EDIL3: variants seen among roughly 807,000 people sequenced by gnomAD.
The protein encoded by EDIL3 is EGF like and discoidin domains 3.
A neutral mutation model predicts 67.4 loss-of-function variants in EDIL3; 37 were observed. The observed-to-expected ratio is 0.55, with a 90% confidence interval of 0.42 to 0.72. The LOEUF (loss-of-function observed/expected upper bound fraction) is 0.72, where lower values mean the gene tolerates loss of function less well. EDIL3 is among the 30% of genes least tolerant of loss of function. EDIL3 has a pLI of 0.00. For missense variants in EDIL3, 527 were observed against 586.3 expected, an observed-to-expected ratio of 0.90 and a Z score of 1.04; for synonymous variants, 195 against 196.3, an observed-to-expected ratio of 0.99 and a Z score of 0.05.
intron 4 of EDIL3, among the ~76,000 whole-genome samples, chr5:84,155,520 G>T (rs1002979103): frequency 1.3e-5 from 2 of 152,046 alleles, no homozygotes; most frequent in East Asian, 3.9e-4. Context: ...CCAACGTAAC[G>T]TTATTCGTTA....
chr5:83,999,988 C>T (rs1745300904), intron 9 of EDIL3, among the ~76,000 whole-genome samples: 1 of 144,012 alleles, frequency 6.9e-6, no homozygotes, highest in South Asian at 2.3e-4. Flanking sequence ...AGTAGCATGA[C>T]ATATTTCAAG....
At chr5:84,291,734 C>CTATCTATA (rs1561247527) in intron 1 of EDIL3, among the ~76,000 whole-genome samples, 31 of 144,280 alleles carry the variant, frequency 2.1e-4, no homozygotes, top group African/African-American at 7.9e-4. Flanking sequence ...CTATATAGAT[C>CTATCTATA]TATCTATATA....
intron 9 of EDIL3, among the ~76,000 whole-genome samples, chr5:84,025,840 C>T (rs1745800900): frequency 1.3e-5 from 2 of 152,188 alleles, no homozygotes; most frequent in Non-Finnish European, 2.9e-5. Context: ...CATGTACACA[C>T]AAGAGTGGGC....
At chr5:84,198,433 G>A (rs1398287996) in intron 3 of EDIL3, among the ~76,000 whole-genome samples, 2 of 151,950 alleles carry the variant, frequency 1.3e-5, no homozygotes, top group East Asian at 1.9e-4. Flanking sequence ...AAGTAGTGCT[G>A]TAGTGAAGCC....
At chr5:84,182,197 C>A (rs530928841) in intron 3 of EDIL3, among the ~76,000 whole-genome samples, 1 of 151,654 alleles carries the variant, frequency 6.6e-6, no homozygotes, top group Admixed American at 6.6e-5. Flanking sequence ...GAGGCTGAGG[C>A]GGGCAGATTG....
chr5:84,057,094 C>A (rs1746461933), intron 9 of EDIL3, among the ~76,000 whole-genome samples: 1 of 151,954 alleles, frequency 6.6e-6, no homozygotes, highest in African/African-American at 2.4e-5. Flanking sequence ...ATTTACTTTG[C>A]CTTGGAGATT....
intron 2 of EDIL3, among the ~76,000 whole-genome samples, chr5:84,245,914 TA>T (rs35831418): frequency 0.078 from 11,279 of 144,000 alleles, 1,193 homozygotes; most frequent in African/African-American, 0.25. Flanking sequence ...TTCTAAAATG[TA>T]AAAAAAAAAA....
chr5:84,158,648 C>T (rs146353286), intron 4 of EDIL3, among the ~76,000 whole-genome samples: 2 of 152,064 alleles, frequency 1.3e-5, no homozygotes, highest in African/African-American at 4.8e-5. Context: ...CTACTTATCC[C>T]TCAATTACAT....
intron 10 of EDIL3, among the ~76,000 whole-genome samples, chr5:83,962,221 G>A (rs759184223): frequency 3.3e-5 from 5 of 151,446 alleles, no homozygotes; most frequent in African/African-American, 4.8e-5. Context: ...CCATAAGGAA[G>A]TAAAAGGATT....
intron 9 of EDIL3, among the ~76,000 whole-genome samples, chr5:84,045,685 A>G (rs1383140156): frequency 2.6e-5 from 4 of 152,246 alleles, no homozygotes; most frequent in Admixed American, 2.6e-4. Flanking sequence ...AAGACACACT[A>G]TGCTAAAGAA....
intron 1 of EDIL3, among the ~76,000 whole-genome samples, chr5:84,332,859 C>A (rs1313009024): frequency 6.6e-6 from 1 of 152,088 alleles, no homozygotes; most frequent in Admixed American, 6.6e-5. Context: ...CATAATAGGT[C>A]CCCACTTGAA....
At chr5:84,261,527 T>C (rs1026953517) in intron 1 of EDIL3, among the ~76,000 whole-genome samples, 2 of 152,242 alleles carry the variant, frequency 1.3e-5, no homozygotes, top group Non-Finnish European at 2.9e-5. Flanking sequence ...CTTACCTTCA[T>C]ATGTACTTTA....
chr5:84,312,246 C>A (rs1406387060), intron 1 of EDIL3, among the ~76,000 whole-genome samples: 1 of 145,652 alleles, frequency 6.9e-6, no homozygotes, highest in Non-Finnish European at 1.5e-5. Flanking sequence ...GCTGACCCCC[C>A]CACCTCCCTC....
chr5:84,180,571 G>T (rs369958351), intron 3 of EDIL3, 50 bp from the exon 4 acceptor site: 5 of 1,501,766 alleles, frequency 3.3e-6, no homozygotes, highest in Non-Finnish European at 4.4e-6. Flanking sequence ...CTTAAAAGTA[G>T]ACATTAGGTC....
chr5:84,163,052 C>T (rs1417086370), intron 4 of EDIL3, among the ~76,000 whole-genome samples: 2 of 152,080 alleles, frequency 1.3e-5, no homozygotes, highest in Admixed American at 6.6e-5. Context: ...AGACAGTGGG[C>T]TTTTAAATCG....
Position 84,161,674 on chromosome 5 carries a change from C to A in EDIL3, c.355+18719G>T, listed in dbSNP as rs543752192. ...TACTAAAATAAGTCTAGTTTTGTAG[C>A]ATCTAAAAATTCATAGTGATATCCA... On this transcript the variant is annotated intron_variant, in intron 4 of 10. Transcript: ENST00000296591. Among the ~76,000 whole-genome samples, 7 of 152,112 alleles carry A rather than the reference C, an allele frequency of 4.6e-5. No homozygotes were observed. In the East Asian group the frequency reaches 1.4e-3, roughly 29 times the overall value.
chr5:84,207,467 C>T (rs998600632), intron 3 of EDIL3, among the ~76,000 whole-genome samples: 5 of 152,186 alleles, frequency 3.3e-5, no homozygotes, highest in African/African-American at 9.7e-5. Flanking sequence ...AATGGTCATA[C>T]TGCCCAAGGC....
chr5:84,350,469 G>T (rs1289960246), intron 1 of EDIL3, among the ~76,000 whole-genome samples: 2 of 151,752 alleles, frequency 1.3e-5, no homozygotes, highest in Admixed American at 6.6e-5. Flanking sequence ...AAAAGATTTA[G>T]TACAATCATA....
At chr5:84,216,617 T>G (rs1247821727) in intron 3 of EDIL3, among the ~76,000 whole-genome samples, 1 of 152,218 alleles carries the variant, frequency 6.6e-6, no homozygotes, top group Admixed American at 6.5e-5. Flanking sequence ...GTTCTCCTCT[T>G]TAAATTATGT....
Sources: gnomAD v4.1 joint callset for allele counts (sites outside exome capture counted in the v4.1 genomes callset) on GRCh38, gnomAD v4.1.1 for gene constraint, MANE v1.5 for transcripts, NCBI Gene and HGNC (gene_info 2026-07-23, HGNC 2026-07-21) for gene names.